The following ITGBL1 variants were observed in gnomAD, a reference collection of about 807,000 sequenced individuals.
ITGBL1 encodes integrin beta-like protein 1.
ITGBL1 carries 51 observed loss-of-function variants against 68.5 expected under a neutral mutation model. The observed-to-expected ratio is 0.74, with a 90% confidence interval of 0.59 to 0.94. The LOEUF (loss-of-function observed/expected upper bound fraction) is 0.94. ITGBL1 is among the 40% of genes least tolerant of loss of function. The pLI is 0.00. For synonymous variants in ITGBL1, 209 were observed against 227.3 expected, an observed-to-expected ratio of 0.92 and a Z score of 0.72; for missense variants, 649 against 647.4, an observed-to-expected ratio of 1.00 and a Z score of -0.03.
intron 7 of ITGBL1, among the ~76,000 whole-genome samples, chr13:101,610,441 G>A (rs925400138): frequency 3.9e-5 from 6 of 152,060 alleles, no homozygotes; most frequent in Non-Finnish European, 5.9e-5. Flanking sequence ...GTTGCAAAAC[G>A]AATGCAGATA....
At chr13:101,475,385 G>A (rs943588251) in intron 2 of ITGBL1, among the ~76,000 whole-genome samples, 1 of 152,054 alleles carries the variant, frequency 6.6e-6, no homozygotes, top group Non-Finnish European at 1.5e-5. Context: ...TGAATAGTTA[G>A]AAGAGACAAA....
In ITGBL1 at chr13:101,471,819, C is replaced by T. The variant is rs575073339; in HGVS notation, c.316+17719C>T. ...ATCACTGGGCAAAAGGAGCCACAGGCCCAAGCCAGATATCTCTGCTCTGCA... is the reference window on the plus strand; with the variant it reads ...ATCACTGGGCAAAAGGAGCCACAGGTCCAAGCCAGATATCTCTGCTCTGCA... On this transcript the variant is annotated intron_variant, in intron 2 of 10. Coordinates refer to ENST00000376180, the MANE Select transcript of ITGBL1 (RefSeq NM_004791.3). 5.8e-4 allele frequency among the ~76,000 whole-genome samples: 88 copies of T among 152,062 alleles called. 1 individual carries two copies. Among genetic ancestry groups the T allele is most frequent in the African/African-American group, 2.0e-3 (85 of 41,522 alleles).
intron 7 of ITGBL1, among the ~76,000 whole-genome samples, chr13:101,692,165 A>G (rs1044708581): frequency 2.0e-5 from 3 of 151,868 alleles, no homozygotes; most frequent in African/African-American, 7.3e-5. Context: ...TTTTTTTCTC[A>G]TGGAGCAGAT....
chr13:101,609,009 G>T (rs969774984), intron 7 of ITGBL1, among the ~76,000 whole-genome samples: 4 of 151,934 alleles, frequency 2.6e-5, no homozygotes, highest in Admixed American at 6.6e-5. Context: ...CATACCACCA[G>T]GGAGTCTTCC....
At chr13:101,512,896 C>T (rs1294633109) in intron 2 of ITGBL1, among the ~76,000 whole-genome samples, 2 of 152,086 alleles carry the variant, frequency 1.3e-5, no homozygotes, top group African/African-American at 4.8e-5. Context: ...CAGGACATAG[C>T]AGTGGTTTGG....
chr13:101,691,693 T>C (rs539840232), intron 7 of ITGBL1, among the ~76,000 whole-genome samples: 2 of 152,346 alleles, frequency 1.3e-5, no homozygotes, highest in South Asian at 2.1e-4. Flanking sequence ...TACATTAAGA[T>C]ACAATGTGGT....
At chr13:101,541,180 G>T (rs2049691948) in intron 2 of ITGBL1, among the ~76,000 whole-genome samples, 1 of 149,804 alleles carries the variant, frequency 6.7e-6, no homozygotes, top group African/African-American at 2.5e-5. Context: ...GTATGATATT[G>T]GCTGTGGGTT....
At chr13:101,467,621 G>C (rs1009203004) in intron 2 of ITGBL1, among the ~76,000 whole-genome samples, 1 of 152,058 alleles carries the variant, frequency 6.6e-6, no homozygotes, top group East Asian at 1.9e-4. Context: ...CTTACTTAAG[G>C]CTGGGTAGAA....
intron 7 of ITGBL1, among the ~76,000 whole-genome samples, chr13:101,656,157 A>C (rs1328532656): frequency 6.6e-6 from 1 of 152,220 alleles, no homozygotes; most frequent in African/African-American, 2.4e-5. Flanking sequence ...GGAAATGTTC[A>C]GATTAAGATA....
chr13:101,714,523 C>T lies in ITGBL1; in HGVS notation c.1365C>T (p.Cys455=), dbSNP rs527870257. 3.9e-5 allele frequency: 63 copies of T among 1,606,504 alleles called. No individual in the cohort carries two copies. The highest frequency in any genetic ancestry group is 2.5e-4 in the East Asian group (11 of 44,816). The change falls in exon 10 of 11, where the codon TGC becomes TGT. Residue 455 remains cysteine, a synonymous_variant. Transcript: ENST00000376180. ...GEFCDCDDRD[C]DKHDGLICTG... Reference sequence around the variant, plus strand: ...TCTGTGACTGTGATGACAGAGACTGCGACAAACATGATGGTCTCATTTGTA... The same window carrying T: ...TCTGTGACTGTGATGACAGAGACTGTGACAAACATGATGGTCTCATTTGTA...
chr13:101,585,615 T>TAG (rs532029478), intron 6 of ITGBL1, among the ~76,000 whole-genome samples: 157 of 152,088 alleles, frequency 1.0e-3, no homozygotes, highest in African/African-American at 3.6e-3. Context: ...GTATTTTTAG[T>TAG]AGAGAAGGGT....
intron 3 of ITGBL1, among the ~76,000 whole-genome samples, chr13:101,570,841 A>T (rs140370783): frequency 2.0e-5 from 3 of 152,282 alleles, no homozygotes; most frequent in African/African-American, 7.2e-5. Flanking sequence ...ATAAGAAATA[A>T]CTTAAGCTAA....
chr13:101,706,307 A>G (rs2034262744), intron 8 of ITGBL1, among the ~76,000 whole-genome samples: 1 of 152,218 alleles, frequency 6.6e-6, no homozygotes, highest in Non-Finnish European at 1.5e-5. Flanking sequence ...ACCAAATGCC[A>G]TTTGTATGAA....
intron 7 of ITGBL1, among the ~76,000 whole-genome samples, chr13:101,618,939 G>A (rs2031477934): frequency 6.6e-6 from 1 of 152,068 alleles, no homozygotes; most frequent in Non-Finnish European, 1.5e-5. Context: ...ATGATAGAGG[G>A]ATGGTAGCGT....
intron 2 of ITGBL1, among the ~76,000 whole-genome samples, chr13:101,467,059 G>C (rs2048391547): frequency 6.6e-6 from 1 of 152,152 alleles, no homozygotes; most frequent in South Asian, 2.1e-4. Flanking sequence ...CATGTTGGAA[G>C]GGGTAAACAG....
chr13:101,605,026 G>A (rs1457723315), intron 7 of ITGBL1, among the ~76,000 whole-genome samples: 2 of 134,386 alleles, frequency 1.5e-5, no homozygotes, highest in East Asian at 2.2e-4. Context: ...ATGTGTATAT[G>A]TATATATACA....
chr13:101,659,625 C>A lies in ITGBL1; in HGVS notation c.1016-32960C>A, dbSNP rs576929919. On this transcript the variant is annotated intron_variant, in intron 7 of 10. Coordinates refer to ENST00000376180, the MANE Select transcript of ITGBL1 (RefSeq NM_004791.3). ...TACAGGCATGTGCCACCGCACCTGG[C>A]TAATTTTTTGTATTTTGAGTAGAGG... Among the ~76,000 whole-genome samples the A allele has an allele frequency of 3.1e-4, 47 of 152,214 alleles. 1 individual carries two copies. The East Asian group carries it at 3.3e-3, about 11-fold the overall frequency.
chr13:101,584,145 G>T (rs1448964742), intron 6 of ITGBL1, among the ~76,000 whole-genome samples: 1 of 152,186 alleles, frequency 6.6e-6, no homozygotes, highest in African/African-American at 2.4e-5. Flanking sequence ...TGTAAATACT[G>T]TGGGGCAGAT....
At chr13:101,672,616 A>G (rs993531678) in intron 7 of ITGBL1, among the ~76,000 whole-genome samples, 5 of 152,166 alleles carry the variant, frequency 3.3e-5, no homozygotes, top group Admixed American at 2.6e-4. Flanking sequence ...ACCTGATCCA[A>G]TCAATCTGTG....
Sources: allele counts gnomAD v4.1 joint callset (sites outside exome capture counted in the v4.1 genomes callset), GRCh38; gene constraint gnomAD v4.1.1; transcripts MANE v1.5; gene names NCBI Gene and HGNC (gene_info 2026-07-23, HGNC 2026-07-21).